Variants in EPHA6 observed in about 807,000 individuals in gnomAD.
EPHA6 encodes EPH receptor A6, also known as ephrin type-A receptor 6.
Under a neutral mutation model 112.0 loss-of-function variants are expected in EPHA6, and 50 were observed. The observed-to-expected ratio is 0.45, with a 90% confidence interval of 0.36 to 0.56. The LOEUF (loss-of-function observed/expected upper bound fraction) is 0.56, where lower values mean the gene tolerates loss of function less well. EPHA6 is among the 20% of genes least tolerant of loss of function. EPHA6 has a pLI of 0.00. For missense variants in EPHA6, 1,280 were observed against 1,417.4 expected (o/e 0.90, Z 1.56); for synonymous variants, 529 against 490.7 (o/e 1.08, Z -1.03).
At chr3:96,926,539 C>T (rs2107644020) in intron 2 of EPHA6, among the ~76,000 whole-genome samples, 1 of 152,284 alleles carries the variant, frequency 6.6e-6, no homozygotes, top group South Asian at 2.1e-4. Flanking sequence ...GTTCCTTCTG[C>T]CTAGGAGCTT....
chr3:97,032,767 G>A (rs1248387543), intron 3 of EPHA6, among the ~76,000 whole-genome samples: 1 of 151,928 alleles, frequency 6.6e-6, no homozygotes, highest in Non-Finnish European at 1.5e-5. Flanking sequence ...TGTGAGCTTG[G>A]TACAAATATT....
intron 7 of EPHA6, among the ~76,000 whole-genome samples, chr3:97,452,769 CCA>C (rs66517151): frequency 0.98 from 148,497 of 151,044 alleles, 73,055 homozygotes; most frequent in East Asian, 1. Flanking sequence ...TAACACATAT[CCA>C]CACACACACA....
chr3:97,676,834 A>T (rs1269986505), intron 14 of EPHA6, among the ~76,000 whole-genome samples: 1 of 152,164 alleles, frequency 6.6e-6, no homozygotes, highest in Admixed American at 6.6e-5. Flanking sequence ...TATTTTCTCC[A>T]TCATGTTGGA....
intron 14 of EPHA6, among the ~76,000 whole-genome samples, chr3:97,680,156 C>G (rs571076923): frequency 6.6e-6 from 1 of 152,254 alleles, no homozygotes; most frequent in South Asian, 2.1e-4. Context: ...GATCTGCAAA[C>G]AACTCAAATA....
At chr3:97,575,874 T>C (rs977732270) in intron 11 of EPHA6, among the ~76,000 whole-genome samples, 6 of 152,146 alleles carry the variant, frequency 3.9e-5, no homozygotes, top group Non-Finnish European at 8.8e-5. Context: ...AGCTGTGTAA[T>C]TGTAGTGAAG....
At chr3:97,650,240 C>A (rs2094098020) in intron 14 of EPHA6, among the ~76,000 whole-genome samples, 1 of 151,978 alleles carries the variant, frequency 6.6e-6, no homozygotes, top group Admixed American at 6.6e-5. Context: ...GGCATAGAGA[C>A]CCAGAATCTT....
chr3:97,259,699 G>A (rs1341941399), intron 5 of EPHA6, among the ~76,000 whole-genome samples: 1 of 152,130 alleles, frequency 6.6e-6, no homozygotes, highest in Non-Finnish European at 1.5e-5. Flanking sequence ...AAGTAAGAAA[G>A]GAAGAGAGGT....
intron 12 of EPHA6, among the ~76,000 whole-genome samples, chr3:97,595,595 A>C (rs2093581732): frequency 6.6e-6 from 1 of 151,748 alleles, no homozygotes; most frequent in Non-Finnish European, 1.5e-5. Flanking sequence ...CAGTGAGCCG[A>C]GATGGTGCCA....
intron 14 of EPHA6, among the ~76,000 whole-genome samples, chr3:97,659,264 A>T (rs1383912277): frequency 6.6e-6 from 1 of 152,014 alleles, no homozygotes; most frequent in Admixed American, 6.6e-5. Flanking sequence ...TTAAAGTGAA[A>T]AAGTTTGTGT....
chr3:97,092,331 C>A (rs2047097902), intron 3 of EPHA6, among the ~76,000 whole-genome samples: 1 of 151,948 alleles, frequency 6.6e-6, no homozygotes, highest in African/African-American at 2.4e-5. Flanking sequence ...ACAGGAGAGA[C>A]AGTTATAGAC....
intron 12 of EPHA6, among the ~76,000 whole-genome samples, chr3:97,603,223 C>G (rs1261482159): frequency 1.3e-5 from 2 of 151,678 alleles, no homozygotes; most frequent in African/African-American, 2.4e-5. Context: ...ACCTTTTTTC[C>G]TATATGATAA....
chr3:97,655,085 A>G (rs1224400764), intron 14 of EPHA6, among the ~76,000 whole-genome samples: 1 of 148,162 alleles, frequency 6.7e-6, no homozygotes, highest in Non-Finnish European at 1.5e-5. Context: ...TGGAGAAAAT[A>G]TATATATTAT....
chr3:97,445,751 A>C (rs1419668746), intron 6 of EPHA6, among the ~76,000 whole-genome samples: 1 of 151,782 alleles, frequency 6.6e-6, no homozygotes, highest in African/African-American at 2.4e-5. Flanking sequence ...AAACCTCTGG[A>C]AAGCTTGATC....
intron 3 of EPHA6, among the ~76,000 whole-genome samples, chr3:97,225,155 C>T (rs1235750739): frequency 6.6e-6 from 1 of 152,140 alleles, no homozygotes; most frequent in Non-Finnish European, 1.5e-5. Flanking sequence ...GGGGGTTTCA[C>T]CGTGTTAGCC....
At chr3:97,163,486 A>G (rs2076464600) in intron 3 of EPHA6, among the ~76,000 whole-genome samples, 1 of 152,106 alleles carries the variant, frequency 6.6e-6, no homozygotes, top group African/African-American at 2.4e-5. Context: ...TGTTTCCAGG[A>G]TTTCTGTCTT....
chr3:97,106,596 T>G (rs13069574), intron 3 of EPHA6, among the ~76,000 whole-genome samples: 22,372 of 151,872 alleles, frequency 0.15, 1,841 homozygotes, highest in Admixed American at 0.25. Context: ...AGCCCACTTG[T>G]GATCTAATTC....
At chr3:97,680,565 C>A (rs2031782384) in intron 14 of EPHA6, among the ~76,000 whole-genome samples, 1 of 152,126 alleles carries the variant, frequency 6.6e-6, no homozygotes, top group Non-Finnish European at 1.5e-5. Context: ...GTTGAGTTTG[C>A]CAACCTCTCA....
intron 13 of EPHA6, 23 bp downstream of exon 13, chr3:97,610,877 C>G (rs1267536454): frequency 1.3e-6 from 2 of 1,560,168 alleles, no homozygotes; most frequent in African/African-American, 2.7e-5. Flanking sequence ...TTTCTGATGG[C>G]ATTTAAATAA....
chr3:97,274,619 G>A (rs1463598929), intron 5 of EPHA6, among the ~76,000 whole-genome samples: 6 of 152,126 alleles, frequency 3.9e-5, no homozygotes, highest in Non-Finnish European at 5.9e-5. Context: ...TTGTTGAGAG[G>A]TAGTGGAGGG....
Sources: gnomAD v4.1 joint callset for allele counts (sites outside exome capture counted in the v4.1 genomes callset) on GRCh38, gnomAD v4.1.1 for gene constraint, MANE v1.5 for transcripts, NCBI Gene and HGNC (gene_info 2026-07-23, HGNC 2026-07-21) for gene names.